Variants in ITSN1 observed in about 807,000 individuals in gnomAD.
ITSN1 encodes the protein intersectin-1.
Under a neutral mutation model 239.8 loss-of-function variants are expected in ITSN1, and 58 were observed. The observed-to-expected ratio is 0.24, with a 90% CI of 0.20 to 0.30. The LOEUF is 0.30. ITSN1 is among the 10% of genes least tolerant of loss of function. The pLI, the probability that ITSN1 is intolerant of heterozygous loss-of-function variation, is 1.00. For missense variants in ITSN1, 1,558 were observed against 2,103.3 expected (o/e 0.74, Z 5.07); for synonymous variants, 780 against 770.8 (o/e 1.01, Z -0.20).
In ITSN1 at chr21:33,814,014, G is replaced by C; in HGVS notation, c.2669G>C (p.Arg890Thr). 6.2e-7 allele frequency: 1 copy of C among 1,614,116 alleles called. No individual in the cohort carries two copies. The highest frequency in any genetic ancestry group is 8.5e-7 in the Non-Finnish European group (1 of 1,180,018). The change falls in exon 22 of 40, where the codon AGG becomes ACG. Residue 890 changes from arginine (R) to threonine (T), a missense_variant. Transcript: ENST00000381318. Reference sequence around the variant, plus strand: ...CCAAGTGCCGGCCAGTTAAGGCAGAGGTCCGCCTTTACTCCAGCCACGGCC... The same window carrying C: ...CCAAGTGCCGGCCAGTTAAGGCAGACGTCCGCCTTTACTCCAGCCACGGCC... ...TVPSAGQLRQRSAFTPATATG... is the reference protein window; with the variant it reads ...TVPSAGQLRQTSAFTPATATG...
Position 33,895,661 on chromosome 21 carries a change from G to T in ITSN1, c.*7361G>T. 6.6e-6 allele frequency: 1 copy of T among 151,572 alleles called. No homozygotes were observed. Among genetic ancestry groups the T allele is most frequent in the Non-Finnish European group, 1.5e-5 (1 of 68,020 alleles). 9.4% of individuals were successfully genotyped at this position (151,572 alleles called of 1,614,324 possible). A position where few individuals can be genotyped will look rare whatever the true frequency, so the allele number is the denominator to read the frequency against. On this transcript the variant is annotated 3_prime_UTR_variant, in exon 40 of 40. Coordinates refer to ENST00000381318, the MANE Select transcript of ITSN1 (RefSeq NM_003024.3). ...TGTGTGCGTGTGTATGTGCGTGTAT[G>T]CATGTGCATGTTTGTGTGTGCGTGC... is the stretch of plus-strand genomic sequence containing the variant.
At chr21:33,869,810 G>A (rs1982400148) in intron 33 of ITSN1, among the ~76,000 whole-genome samples, 3 of 151,948 alleles carry the variant, frequency 2.0e-5, no homozygotes, top group African/African-American at 4.8e-5. Flanking sequence ...TGTTCCTCTC[G>A]GTGGCAGAGC....
chr21:33,864,238 C>T (rs1275753699), intron 31 of ITSN1, among the ~76,000 whole-genome samples: 1 of 152,160 alleles, frequency 6.6e-6, no homozygotes, highest in Non-Finnish European at 1.5e-5. Context: ...TAGGTTATAC[C>T]ATTTTGTTCC....
At chr21:33,886,210 T>TAAAA in intron 38 of ITSN1, 77 bp from the exon 39 acceptor site, 2 of 1,000,978 alleles carry the variant, frequency 2.0e-6, no homozygotes, top group Non-Finnish European at 2.9e-6. Flanking sequence ...AGAATCCATC[T>TAAAA]AAAAAAAAAA....
intron 1 of ITSN1, among the ~76,000 whole-genome samples, chr21:33,710,305 C>T (rs1208952769): frequency 5.3e-5 from 8 of 151,896 alleles, no homozygotes; most frequent in Admixed American, 5.3e-4. Flanking sequence ...GTCTCGACCT[C>T]CTGACCTCGT....
At chr21:33,686,466 T>C (rs1462229629) in intron 1 of ITSN1, among the ~76,000 whole-genome samples, 1 of 152,196 alleles carries the variant, frequency 6.6e-6, no homozygotes, top group Non-Finnish European at 1.5e-5. Flanking sequence ...CTATTTTTAG[T>C]GCAAGTGATG....
intron 9 of ITSN1, among the ~76,000 whole-genome samples, chr21:33,763,991 T>C (rs1253034582): frequency 6.6e-6 from 1 of 152,232 alleles, no homozygotes; most frequent in Non-Finnish European, 1.5e-5. Context: ...AGCTTGCCTT[T>C]GGCAGTAGAC....
At chr21:33,748,988 A>G (rs1601990382) in intron 5 of ITSN1, among the ~76,000 whole-genome samples, 1 of 123,160 alleles carries the variant, frequency 8.1e-6, no homozygotes. Flanking sequence ...AAGCTTTTTT[A>G]CTTTTTTTTT....
chr21:33,766,546 A>C (rs560140207), intron 10 of ITSN1, among the ~76,000 whole-genome samples: 1 of 152,356 alleles, frequency 6.6e-6, no homozygotes, highest in Non-Finnish European at 1.5e-5. Flanking sequence ...GCTGTCCAGG[A>C]CAGCTCTGTC....
intron 33 of ITSN1, among the ~76,000 whole-genome samples, chr21:33,874,907 G>A (rs1433993276): frequency 1.3e-5 from 2 of 152,196 alleles, no homozygotes; most frequent in African/African-American, 2.4e-5. Flanking sequence ...TTGGCCTCCC[G>A]AAGTGCTGGG....
chr21:33,683,067 T>C (rs1568929282), intron 1 of ITSN1, among the ~76,000 whole-genome samples: 1 of 152,110 alleles, frequency 6.6e-6, no homozygotes, highest in South Asian at 2.1e-4. Flanking sequence ...TTCTCTTCCC[T>C]CTCACCATGG....
At chr21:33,799,177 C>T (rs987226947) in intron 18 of ITSN1, among the ~76,000 whole-genome samples, 5 of 152,134 alleles carry the variant, frequency 3.3e-5, no homozygotes, top group African/African-American at 1.2e-4. Context: ...CATTTTTAAA[C>T]ATTTTATTTC....
chr21:33,882,494 G>C lies in ITSN1; in HGVS notation c.4554+39G>C. On this transcript the variant is annotated intron_variant, in intron 35 of 39. Transcript: ENST00000381318. The surrounding 1 kb of genome is among the most constrained non-coding windows in gnomAD (Gnocchi z 4.5). ...TAGATTTTGCATTATCAGGGTTGACGTGTTTGGGGAGGAAGAAGTTTCCAA... is the reference window on the plus strand; with the variant it reads ...TAGATTTTGCATTATCAGGGTTGACCTGTTTGGGGAGGAAGAAGTTTCCAA... 6.4e-7 allele frequency: 1 copy of C among 1,567,042 alleles called. No homozygotes were observed. The highest frequency in any genetic ancestry group is 1.1e-5 in the South Asian group (1 of 88,736).
chr21:33,844,356 G>A (rs1002054106), intron 29 of ITSN1, among the ~76,000 whole-genome samples: 1 of 152,216 alleles, frequency 6.6e-6, no homozygotes, highest in African/African-American at 2.4e-5. Context: ...TAAATGTCAC[G>A]TCTGGACTGT....
intron 1 of ITSN1, among the ~76,000 whole-genome samples, chr21:33,649,891 G>A (rs903395010): frequency 5.3e-5 from 8 of 151,862 alleles, no homozygotes; most frequent in African/African-American, 1.9e-4. Context: ...TGGCGCACAA[G>A]TGTAATCCCA....
At chr21:33,722,363 A>G (rs780670221) in intron 3 of ITSN1, among the ~76,000 whole-genome samples, 17 of 152,236 alleles carry the variant, frequency 1.1e-4, no homozygotes, top group Non-Finnish European at 4.4e-5. Context: ...CTATGCCAGG[A>G]AATGGTAGGC....
At position 33,763,495 on chromosome 21, in the gene ITSN1, G is replaced by A. The variant is rs142210141; in HGVS notation, c.788+1509G>A. 6.8e-3 allele frequency among the ~76,000 whole-genome samples: 1,029 copies of A among 152,274 alleles called. 10 individuals are homozygous for A. Among genetic ancestry groups the A allele is most frequent in the African/African-American group, 0.024 (998 of 41,538 alleles). The stretch of plus-strand genomic sequence containing the variant: ...GTAGCATCTGTGGCCACTACTCACT[G>A]GATGCTAGATGCCAGTAGCATGAGC... On this transcript the variant is annotated intron_variant, in intron 9 of 39. Coordinates refer to ENST00000381318, the MANE Select transcript of ITSN1 (RefSeq NM_003024.3).
chr21:33,782,048 A>G lies in ITSN1; in HGVS notation c.1739A>G (p.Gln580Arg). 6.2e-7 allele frequency: 1 copy of G among 1,613,800 alleles called. No homozygotes were observed. The highest frequency in any genetic ancestry group is 8.5e-7 in the Non-Finnish European group (1 of 1,179,698). The change falls in exon 16 of 40, where the codon CAG (glutamine) becomes CGG (arginine). Residue 580 changes from glutamine (Q) to arginine (R), a missense_variant. Gln to Arg is a conservative substitution (Grantham distance 43). Transcript: ENST00000381318. Reference protein sequence around the residue: ...RALEAKELARQHLRDQLDEVE... With the variant: ...RALEAKELARRHLRDQLDEVE... Reference sequence around the variant, plus strand: ...TTAGAAGCAAAAGAACTAGCTCGGCAGCACCTACGAGACCAACTGGATGAA... The same window carrying G: ...TTAGAAGCAAAAGAACTAGCTCGGCGGCACCTACGAGACCAACTGGATGAA...
chr21:33,758,257 C>T (rs543379448), intron 8 of ITSN1, among the ~76,000 whole-genome samples: 6 of 152,200 alleles, frequency 3.9e-5, no homozygotes, highest in South Asian at 2.1e-4. Context: ...CAAGTAGCTG[C>T]GACTACAGGC....
Sources: allele counts gnomAD v4.1 joint callset (sites outside exome capture counted in the v4.1 genomes callset), GRCh38; gene constraint gnomAD v4.1.1; non-coding constraint Gnocchi (gnomAD v3.1); transcripts MANE v1.5; gene names NCBI Gene and HGNC (gene_info 2026-07-23, HGNC 2026-07-21).